The following GRHL2 variants were observed in gnomAD, a reference collection of about 807,000 sequenced individuals.
GRHL2 encodes grainyhead like transcription factor 2, also known as grainyhead-like protein 2 homolog.
A neutral mutation model predicts 83.8 loss-of-function variants in GRHL2; 21 were observed. The observed-to-expected ratio is 0.25, with a 90% confidence interval of 0.18 to 0.36. The LOEUF (loss-of-function observed/expected upper bound fraction) is 0.36. GRHL2 is among the 10% of genes least tolerant of loss of function. GRHL2 has a pLI of 1.00. For missense variants in GRHL2, 623 were observed against 781.8 expected (o/e 0.80, Z 2.42); for synonymous variants, 280 against 278.9 (o/e 1.00, Z -0.04).
chr8:101,648,560 G>C (rs1409590976), intron 13 of GRHL2, among the ~76,000 whole-genome samples: 1 of 152,116 alleles, frequency 6.6e-6, no homozygotes, highest in African/African-American at 2.4e-5. Context: ...TATTATCCAT[G>C]TTTCGCAGAG....
chr8:101,579,591 A>G (rs975516096), intron 7 of GRHL2, among the ~76,000 whole-genome samples: 2 of 152,214 alleles, frequency 1.3e-5, no homozygotes, highest in African/African-American at 2.4e-5. Flanking sequence ...TTTTCTGAGC[A>G]CAGTCTCTAC....
At position 101,596,718 on chromosome 8, in the gene GRHL2, A is replaced by G. The variant is rs1031821403; in HGVS notation, c.1004-2339A>G. Among the ~76,000 whole-genome samples the G allele has an allele frequency of 3.9e-5, 6 of 152,334 alleles. 1 individual carries two copies. In the South Asian group the frequency reaches 1.2e-3, roughly 32 times the overall value. ...ATTTTTGAGAAAGGTAGGCAGAGAG[A>G]AAGATAGGAAGGATGAAGTGTACCA... On this transcript the variant is annotated intron_variant, in intron 7 of 15. Transcript: ENST00000646743.
chr8:101,627,169 T>A (rs1813096995), intron 9 of GRHL2, among the ~76,000 whole-genome samples: 1 of 152,104 alleles, frequency 6.6e-6, no homozygotes, highest in African/African-American at 2.4e-5. Context: ...CGTTTTATTG[T>A]GCTTTGCTTT....
intron 10 of GRHL2, among the ~76,000 whole-genome samples, chr8:101,631,957 G>A (rs1813195229): frequency 6.6e-6 from 1 of 152,230 alleles, no homozygotes; most frequent in South Asian, 2.1e-4. Context: ...GTGGAGACCA[G>A]CATCCTCCTT....
chr8:101,664,817 C>T (rs1038284039), intron 15 of GRHL2, among the ~76,000 whole-genome samples: 3 of 151,974 alleles, frequency 2.0e-5, no homozygotes, highest in African/African-American at 7.2e-5. Context: ...GCAAAATCAC[C>T]TTTCTGCAGG....
intron 7 of GRHL2, among the ~76,000 whole-genome samples, chr8:101,589,463 G>A (rs144759966): frequency 3.6e-4 from 55 of 152,286 alleles, no homozygotes; most frequent in African/African-American, 1.3e-3. Context: ...AATCAAGTTT[G>A]TTAGTCAAGA....
chr8:101,548,952 C>T (rs1811320994), intron 2 of GRHL2, among the ~76,000 whole-genome samples: 1 of 152,160 alleles, frequency 6.6e-6, no homozygotes, highest in South Asian at 2.1e-4. Context: ...CCTGCCCTTT[C>T]CAGGCCATTT....
At chr8:101,640,419 A>G (rs754350652) in intron 12 of GRHL2, among the ~76,000 whole-genome samples, 1 of 152,228 alleles carries the variant, frequency 6.6e-6, no homozygotes, top group Non-Finnish European at 1.5e-5. Context: ...ATGAAAAGAA[A>G]GAACAAGCCA....
chr8:101,517,842 G>T (rs182708574), intron 1 of GRHL2, among the ~76,000 whole-genome samples: 1 of 152,320 alleles, frequency 6.6e-6, no homozygotes, highest in Non-Finnish European at 1.5e-5. Context: ...TAACAGGATT[G>T]CTTGGCTAGC....
intron 9 of GRHL2, 86 bp downstream of exon 9, chr8:101,619,783 T>C (rs890960787): frequency 1.5e-5 from 15 of 978,228 alleles, no homozygotes; most frequent in Non-Finnish European, 2.2e-5. Flanking sequence ...CACCTTTGCT[T>C]GTCTAGTGGT....
At chr8:101,670,014 C>T (rs16868196), downstream of GRHL2, among the ~76,000 whole-genome samples, 14,436 of 152,230 alleles carry the variant, frequency 0.095, 753 homozygotes, top group Middle Eastern at 0.14. Flanking sequence ...TGTTCACTTG[C>T]TTCTGCCCAT....
chr8:101,526,279 T>C (rs1180832584), intron 1 of GRHL2, among the ~76,000 whole-genome samples: 2 of 152,254 alleles, frequency 1.3e-5, no homozygotes, highest in East Asian at 1.9e-4. Context: ...CTGAACTTTC[T>C]CTGTTACATT....
intron 1 of GRHL2, among the ~76,000 whole-genome samples, chr8:101,508,945 G>A: frequency 6.6e-6 from 1 of 152,046 alleles, no homozygotes; most frequent in Non-Finnish European, 1.5e-5. Context: ...TTAGTTGTGG[G>A]AAATGTGGAG....
chr8:101,502,348 A>G (rs1190127195), intron 1 of GRHL2, among the ~76,000 whole-genome samples: 2 of 152,212 alleles, frequency 1.3e-5, no homozygotes, highest in African/African-American at 2.4e-5. Context: ...AGGAGGTTAC[A>G]GGCACAGTGG....
rs970075687 is a variant in GRHL2 at position 101,552,844 on chromosome 8, A to G, written c.284+62A>G. 4.0e-6 allele frequency: 6 copies of G among 1,487,156 alleles called. No homozygotes were observed. In the African/African-American group the frequency reaches 8.3e-5, roughly 21 times the overall value. 92.1% of individuals were successfully genotyped at this position (1,487,156 alleles called of 1,614,324 possible). A position where few individuals can be genotyped will look rare whatever the true frequency, so the allele number is the denominator to read the frequency against. ...GTTTTCTAAAAAACAATGTTATTAA[A>G]CTGTATGTTTTGTTCTTGAGAGGAG... On this transcript the variant is annotated intron_variant, in intron 3 of 15. Coordinates refer to ENST00000646743, the MANE Select transcript of GRHL2 (RefSeq NM_024915.4).
Position 101,644,171 on chromosome 8 carries a change from G to A in GRHL2, c.1558G>A (p.Glu520Lys), listed in dbSNP as rs189786443. The A allele has an allele frequency of 2.5e-6, 4 of 1,614,182 alleles. No individual in the cohort carries two copies. The highest frequency in any genetic ancestry group is 1.7e-5 in the Admixed American group (1 of 60,026). The change falls in exon 13 of 16, where the codon GAG (glutamate) becomes AAG (lysine). Residue 520 changes from glutamate to lysine, a missense_variant. Around this residue, in one of 8 missense-constraint regions of GRHL2, gnomAD observed 210 missense variants for 254.8 expected, o/e 0.82. Transcript: ENST00000646743. ...TAAACGGATGTTCCGGCCCATGGAA[G>A]AGGAGTTTGGTCCAGTGCCTTCAAA... Reference protein sequence around the residue: ...LVKRMFRPMEEEFGPVPSKQM... With the variant: ...LVKRMFRPMEKEFGPVPSKQM...
At chr8:101,492,874 T>A in intron 1 of GRHL2, 85 bp downstream of exon 1, 1 of 1,196,018 alleles carries the variant, frequency 8.4e-7, no homozygotes, top group Non-Finnish European at 1.3e-6. Flanking sequence ...TGTTTTTAAG[T>A]TGCTATTGTT....
chr8:101,673,645 C>A (rs1363509464), downstream of GRHL2, among the ~76,000 whole-genome samples: 1 of 151,950 alleles, frequency 6.6e-6, no homozygotes, highest in East Asian at 1.9e-4. Context: ...TTAGACAGAT[C>A]AACAAGACAG....
chr8:101,539,382 G>A (rs944073147), intron 1 of GRHL2, among the ~76,000 whole-genome samples: 97 of 152,236 alleles, frequency 6.4e-4, no homozygotes, highest in African/African-American at 2.3e-3. Context: ...CATGGGCAAC[G>A]ACTGAGGTTC....
Sources: gnomAD v4.1 joint callset for allele counts (sites outside exome capture counted in the v4.1 genomes callset) on GRCh38, gnomAD v4.1.1 for gene constraint, gnomAD v4.1.1 regional missense constraint, MANE v1.5 for transcripts, NCBI Gene and HGNC (gene_info 2026-07-23, HGNC 2026-07-21) for gene names.